TG: variants seen among roughly 807,000 people sequenced by gnomAD.
The protein encoded by TG is thyroid hormones.
In TG, 270 loss-of-function variants were observed where a neutral mutation model predicts 324.7. The ratio of observed to expected loss-of-function variants is 0.83; its 90% CI spans 0.75 to 0.92. The LOEUF (loss-of-function observed/expected upper bound fraction) is 0.92, where lower values mean the gene tolerates loss of function less well. TG is among the 40% of genes least tolerant of loss of function. The pLI, the probability that TG is intolerant of heterozygous loss-of-function variation, is 0.00. For synonymous variants in TG, 1,401 were observed against 1,327.0 expected, an observed-to-expected ratio of 1.06 and a Z score of -1.21; for missense variants, 3,591 against 3,456.4, an observed-to-expected ratio of 1.04 and a Z score of -0.98.
At chr8:132,925,012 G>A (rs1485294102) in intron 22 of TG, among the ~76,000 whole-genome samples, 1 of 152,032 alleles carries the variant, frequency 6.6e-6, no homozygotes, top group Admixed American at 6.6e-5. Context: ...AGGTCTTGTG[G>A]CTAACCTTTG....
rs539079189 is a variant in TG at position 133,031,445 on chromosome 8, A to G, written c.7239+1422A>G. ...AACATGGGTGTTCAGAAGGCCTTTAAGCAGGAAGGAAACGTGCTTAGAGCT... is the reference window on the plus strand; with the variant it reads ...AACATGGGTGTTCAGAAGGCCTTTAGGCAGGAAGGAAACGTGCTTAGAGCT... On this transcript the variant is annotated intron_variant, in intron 41 of 47. Coordinates refer to ENST00000220616, the MANE Select transcript of TG (RefSeq NM_003235.5). 3.3e-5 allele frequency among the ~76,000 whole-genome samples: 5 copies of G among 152,316 alleles called. No homozygotes were observed. In the South Asian group the frequency reaches 1.0e-3, roughly 32 times the overall value.
chr8:133,048,937 T>C (rs1421029998), intron 41 of TG: 1 of 312,424 alleles, frequency 3.2e-6, no homozygotes, highest in Non-Finnish European at 6.5e-6. Flanking sequence ...TAGAGTCCTC[T>C]GGACATGAAG....
intron 41 of TG, among the ~76,000 whole-genome samples, chr8:133,089,179 C>T (rs1348797564): frequency 6.6e-6 from 1 of 152,196 alleles, no homozygotes; most frequent in African/African-American, 2.4e-5. Flanking sequence ...CAGATGCTCC[C>T]CACTCCAGTC....
chr8:132,966,803 A>G (rs1828626210), intron 30 of TG, 106 bp downstream of exon 30: 1 of 1,362,892 alleles, frequency 7.3e-7, no homozygotes, highest in South Asian at 1.2e-5. Context: ...ATTTTGTGTC[A>G]TAACTCATGG....
At chr8:132,948,122 C>T (rs1825583853) in intron 26 of TG, among the ~76,000 whole-genome samples, 1 of 152,148 alleles carries the variant, frequency 6.6e-6, no homozygotes, top group Non-Finnish European at 1.5e-5. Flanking sequence ...CACTTCCTAA[C>T]AGGGAAATAT....
chr8:133,008,667 C>T (rs762246059), intron 35 of TG, among the ~76,000 whole-genome samples: 1 of 152,240 alleles, frequency 6.6e-6, no homozygotes, highest in African/African-American at 2.4e-5. Context: ...AGAACTGGCT[C>T]CAGCCCTAGC....
intron 27 of TG, among the ~76,000 whole-genome samples, chr8:132,951,330 C>T (rs1826072394): frequency 6.6e-6 from 1 of 152,118 alleles, no homozygotes; most frequent in Admixed American, 6.5e-5. Context: ...GGTGGAATTC[C>T]ATGAAGCACA....
chr8:133,127,894 C>T (rs1018684193), intron 45 of TG, among the ~76,000 whole-genome samples: 10 of 152,096 alleles, frequency 6.6e-5, no homozygotes, highest in East Asian at 1.9e-4. Context: ...AGTGCTGAGT[C>T]GCTACCCACA....
At position 133,134,812 on chromosome 8, in the gene TG, CA is replaced by C; in HGVS notation, c.*23del. On this transcript the variant is annotated 3_prime_UTR_variant, in exon 48 of 48. Transcript: ENST00000220616. The stretch of plus-strand genomic sequence containing the variant: ...GCAAGTGACCAGCCCTTGAGCTCCC[CA>C]AAAACCTCACCCGAGGCTGCCCACT... 6.2e-7 allele frequency: 1 copy of C among 1,604,606 alleles called. No individual in the cohort carries two copies. Among genetic ancestry groups the C allele is most frequent in the Non-Finnish European group, 8.5e-7 (1 of 1,171,390 alleles).
At chr8:132,871,987 GGC>G (rs1839521454) in intron 4 of TG, among the ~76,000 whole-genome samples, 1 of 152,052 alleles carries the variant, frequency 6.6e-6, no homozygotes, top group African/African-American at 2.4e-5. Flanking sequence ...AGCAGGCCTA[GGC>G]TAATGTGTGT....
chr8:133,049,918 C>T (rs1473926959), intron 41 of TG: 1 of 1,611,022 alleles, frequency 6.2e-7, no homozygotes. Context: ...TAAACTCTGG[C>T]CACACATATT....
intron 41 of TG, among the ~76,000 whole-genome samples, chr8:133,056,990 CA>C (rs1193759013): frequency 6.6e-6 from 1 of 152,168 alleles, no homozygotes; most frequent in Non-Finnish European, 1.5e-5. Context: ...AGTTACTTCC[CA>C]GGGGATTCTG....
chr8:132,898,018 T>A, intron 12 of TG, 151 bp from the exon 13 acceptor site: 2 of 909,662 alleles, frequency 2.2e-6, no homozygotes, highest in East Asian at 2.6e-5. Flanking sequence ...TCAGAGTGAT[T>A]GTGGACAATG....
chr8:133,021,783 A>ACTAT (rs1835587466), intron 39 of TG, among the ~76,000 whole-genome samples: 1 of 152,252 alleles, frequency 6.6e-6, no homozygotes, highest in African/African-American at 2.4e-5. Context: ...CACATTAGAC[A>ACTAT]CTATCTCCAA....
At chr8:133,017,685 C>T in intron 37 of TG, 93 bp from the exon 38 acceptor site, 1 of 1,255,908 alleles carries the variant, frequency 8.0e-7, no homozygotes, top group Non-Finnish European at 1.2e-6. Flanking sequence ...CGTGATTTTT[C>T]TTTTGTTGAA....
chr8:133,100,029 T>C (rs2958669), intron 43 of TG, among the ~76,000 whole-genome samples: 1 of 151,966 alleles, frequency 6.6e-6, no homozygotes, highest in East Asian at 1.9e-4. Flanking sequence ...CAGAGGAAAA[T>C]TCCAGTCTTC....
intron 41 of TG, among the ~76,000 whole-genome samples, chr8:133,062,619 G>A (rs1016005074): frequency 3.3e-5 from 5 of 152,246 alleles, no homozygotes; most frequent in African/African-American, 4.8e-5. Context: ...AGCCACAGGC[G>A]CTGTCCTGCA....
Position 133,096,217 on chromosome 8 carries a change from G to C in TG, c.7416G>C (p.Val2472=), listed in dbSNP as rs1384972518. The C allele has an allele frequency of 1.2e-6, 2 of 1,614,244 alleles. No individual in the cohort carries two copies. The highest frequency in any genetic ancestry group is 2.2e-5 in the South Asian group (2 of 91,082). The stretch of plus-strand genomic sequence containing the variant: ...TGCATCCAATGCAGCTCCTGGCCGT[G>C]AGTGGCCCTTTCCACTACTGGGGTC... The part of the protein sequence containing the change: ...LNDAQTKLLA[V]SGPFHYWGPV... The change falls in exon 43 of 48, where the codon GTG becomes GTC. Residue 2472 remains valine, a synonymous_variant. Transcript: ENST00000220616.
At chr8:132,913,311 G>A (rs369969368) in intron 20 of TG, 46 bp downstream of exon 20, 2 of 1,599,662 alleles carry the variant, frequency 1.3e-6, no homozygotes, top group African/African-American at 2.7e-5. Flanking sequence ...GCCATGTGAG[G>A]CTTTAGGAAA....
Sources: allele counts gnomAD v4.1 joint callset (sites outside exome capture counted in the v4.1 genomes callset), GRCh38; gene constraint gnomAD v4.1.1; transcripts MANE v1.5; gene names NCBI Gene and HGNC (gene_info 2026-07-23, HGNC 2026-07-21).